MECOM: variants seen among roughly 807,000 people sequenced by gnomAD.
MECOM encodes the protein MDS1 and EVI1 complex locus, also known as histone-lysine N-methyltransferase MECOM.
MECOM carries 13 observed loss-of-function variants against 116.3 expected under a neutral mutation model. The ratio of observed to expected loss-of-function variants is 0.11; its 90% CI spans 0.07 to 0.18. MECOM has a LOEUF of 0.18. Ranked by LOEUF, MECOM falls within the 10% of genes least tolerant of loss-of-function variation. MECOM has a pLI of 1.00. For synonymous variants in MECOM, 528 were observed against 535.2 expected (o/e 0.99, Z 0.19); for missense variants, 1,299 against 1,509.0 (o/e 0.86, Z 2.31).
chr3:169,653,264 C>T (rs1251998899), intron 1 of MECOM, among the ~76,000 whole-genome samples: 1 of 152,124 alleles, frequency 6.6e-6, no homozygotes, highest in Non-Finnish European at 1.5e-5. Flanking sequence ...TTGCTAACCA[C>T]CATCACCTAA....
At chr3:169,311,878 G>A (rs535543421) in intron 2 of MECOM, among the ~76,000 whole-genome samples, 2 of 152,232 alleles carry the variant, frequency 1.3e-5, no homozygotes, top group East Asian at 1.9e-4. Flanking sequence ...AGTTGATACC[G>A]TGGTTTAAGA....
At chr3:169,459,110 T>C (rs1346642760) in intron 1 of MECOM, among the ~76,000 whole-genome samples, 1 of 152,230 alleles carries the variant, frequency 6.6e-6, no homozygotes, top group Non-Finnish European at 1.5e-5. Flanking sequence ...GCTTGGGAAA[T>C]CCAAGTGCTC....
chr3:169,586,525 C>T (rs972385253), intron 1 of MECOM, among the ~76,000 whole-genome samples: 11 of 152,158 alleles, frequency 7.2e-5, no homozygotes. Flanking sequence ...TATTAAGGCT[C>T]AGGCTAATGA....
intron 2 of MECOM, chr3:169,146,156 T>C: frequency 1.0e-6 from 1 of 978,018 alleles, no homozygotes. Context: ...AAAAAAACCG[T>C]TTAGGTAGAC....
intron 2 of MECOM, among the ~76,000 whole-genome samples, chr3:169,261,263 T>C (rs970636648): frequency 6.6e-6 from 1 of 152,234 alleles, no homozygotes; most frequent in Non-Finnish European, 1.5e-5. Flanking sequence ...CTTTAGTTTT[T>C]ATTTGGGAAT....
chr3:169,321,675 T>C (rs926342710), intron 2 of MECOM, among the ~76,000 whole-genome samples: 4 of 151,218 alleles, frequency 2.6e-5, no homozygotes, highest in Non-Finnish European at 5.9e-5. Context: ...TGTGGACCTA[T>C]GTGGTTTTGT....
In MECOM at chr3:169,492,922, G is replaced by C. The variant is rs375286217; in HGVS notation, c.38-111398C>G. ...TTGCAATGAGCCGAGATCACACCAC[G>C]GCACTCCAGCCTCGAAGACAGAGAG... On this transcript the variant is annotated intron_variant, in intron 1 of 16. Transcript: ENST00000651503. Among the ~76,000 whole-genome samples the C allele has an allele frequency of 4.6e-5, 7 of 152,150 alleles. No homozygotes were observed. In the South Asian group the frequency reaches 1.5e-3, roughly 32 times the overall value.
intron 1 of MECOM, among the ~76,000 whole-genome samples, chr3:169,515,645 G>A (rs1756531249): frequency 6.6e-6 from 1 of 152,114 alleles, no homozygotes; most frequent in Non-Finnish European, 1.5e-5. Flanking sequence ...ATTTTCAGAT[G>A]AAGTCCTTTG....
chr3:169,662,965 AG>A (rs1776510710), intron 1 of MECOM, among the ~76,000 whole-genome samples: 1 of 139,620 alleles, frequency 7.2e-6, no homozygotes, highest in Non-Finnish European at 1.5e-5. Flanking sequence ...AGGGGAGGGG[AG>A]GGGGAGACTT....
intron 1 of MECOM, among the ~76,000 whole-genome samples, chr3:169,528,471 C>G (rs1448546655): frequency 1.3e-5 from 2 of 152,316 alleles, no homozygotes; most frequent in East Asian, 3.9e-4. Flanking sequence ...ATAAATAACT[C>G]ACATTTGAAT....
intron 3 of MECOM, among the ~76,000 whole-genome samples, chr3:169,134,827 A>G (rs1735855581): frequency 1.3e-5 from 2 of 152,186 alleles, no homozygotes; most frequent in Non-Finnish European, 2.9e-5. Context: ...TTGAGAAGAG[A>G]CAGGAGTAAT....
intron 2 of MECOM, among the ~76,000 whole-genome samples, chr3:169,186,453 A>G (rs918889199): frequency 1.3e-5 from 2 of 151,582 alleles, no homozygotes; most frequent in Non-Finnish European, 2.9e-5. Flanking sequence ...CAGCATTGCC[A>G]TTAACTATTG....
intron 1 of MECOM, among the ~76,000 whole-genome samples, chr3:169,661,148 A>C (rs1486819379): frequency 1.3e-5 from 2 of 152,214 alleles, no homozygotes; most frequent in Non-Finnish European, 2.9e-5. Flanking sequence ...TAGTTGAAAA[A>C]GTTGCTCAAG....
At chr3:169,194,010 T>A (rs920701749) in intron 2 of MECOM, among the ~76,000 whole-genome samples, 2 of 152,030 alleles carry the variant, frequency 1.3e-5, no homozygotes, top group African/African-American at 4.8e-5. Flanking sequence ...TAATGACAAA[T>A]GATTACAAAA....
chr3:169,553,214 G>A (rs1761612769), intron 1 of MECOM, among the ~76,000 whole-genome samples: 1 of 151,922 alleles, frequency 6.6e-6, no homozygotes, highest in African/African-American at 2.4e-5. Context: ...CTATGTGCCA[G>A]GCATTTTTGA....
At chr3:169,112,750 G>T in intron 9 of MECOM, 37 bp downstream of exon 9, 1 of 1,508,518 alleles carries the variant, frequency 6.6e-7, no homozygotes, top group Non-Finnish European at 9.2e-7. Context: ...CAACAAGTTA[G>T]TTTACAAGCT....
intron 1 of MECOM, among the ~76,000 whole-genome samples, chr3:169,439,362 T>C (rs1466043562): frequency 6.7e-6 from 1 of 148,332 alleles, no homozygotes; most frequent in South Asian, 2.1e-4. Flanking sequence ...ATTAATATAG[T>C]TAATATATTA....
rs185329951 is a variant in MECOM at position 169,608,480 on chromosome 3, T to C, written c.37+54856A>G. On this transcript the variant is annotated intron_variant, in intron 1 of 16. Transcript: ENST00000651503. ...GTGGCATCTGGAGTCAGCCTGGTGT[T>C]TTTTCTTCCACATTTCCCCACATCC... Among the ~76,000 whole-genome samples the C allele has an allele frequency of 4.7e-3, 714 of 152,154 alleles. 3 individuals are homozygous for C. The highest frequency in any genetic ancestry group is 8.2e-3 in the Non-Finnish European group (556 of 67,998).
intron 1 of MECOM, among the ~76,000 whole-genome samples, chr3:169,399,650 A>G (rs1439110091): frequency 2.0e-5 from 3 of 152,244 alleles, no homozygotes; most frequent in Admixed American, 6.5e-5. Context: ...ACCTTGTACA[A>G]CACAAGCTAG....
Sources: gnomAD v4.1 joint callset for allele counts (sites outside exome capture counted in the v4.1 genomes callset) on GRCh38, gnomAD v4.1.1 for gene constraint, MANE v1.5 for transcripts, NCBI Gene and HGNC (gene_info 2026-07-23, HGNC 2026-07-21) for gene names.